Variants in WNT3 observed in about 807,000 individuals in gnomAD.
The protein encoded by WNT3 is Wnt family member 3.
WNT3 carries 7 observed loss-of-function variants against 34.2 expected under a neutral mutation model. The observed-to-expected ratio is 0.20, with a 90% confidence interval of 0.12 to 0.38. The LOEUF is 0.38. Ranked by LOEUF, WNT3 falls within the 10% of genes least tolerant of loss-of-function variation. The probability of loss-of-function intolerance (pLI) is 1.00; values close to 1 mark genes in which losing one functional copy is unlikely to be tolerated. For missense variants in WNT3, 267 were observed against 499.8 expected, an observed-to-expected ratio of 0.53 and a Z score of 4.44; for synonymous variants, 212 against 211.5, an observed-to-expected ratio of 1.00 and a Z score of -0.02.
In WNT3 at chr17:46,768,389, G is replaced by A. The variant is rs769897151; in HGVS notation, c.999C>T (p.Ile333=). The A allele has an allele frequency of 1.2e-6, 2 of 1,613,950 alleles. No homozygotes were observed. Among genetic ancestry groups the A allele is most frequent in the South Asian group, 2.2e-5 (2 of 91,092 alleles). Residue 333 remains isoleucine, a synonymous_variant, in exon 4 of 5, where the codon ATC becomes ATT. Transcript: ENST00000225512. The surrounding 1 kb of genome is among the most constrained non-coding windows in gnomAD (Gnocchi z 5.0). The stretch of plus-strand genomic sequence containing the variant: ...AGCTGACGTAGCAGCACCAGTGGAA[G>A]ATGCAGTGGCATTTTTCCTTCCGCT... The part of the protein sequence containing the change: ...TEKRKEKCHC[I]FHWCCYVSCQ...
At chr17:46,773,623 T>TACCCC in intron 2 of WNT3, 45 bp downstream of exon 2, 1 of 383,492 alleles carries the variant, frequency 2.6e-6, no homozygotes, top group South Asian at 1.9e-5. Context: ...TCCTGATCCC[T>TACCCC]CCCCCCACCC....
intron 2 of WNT3, among the ~76,000 whole-genome samples, chr17:46,772,524 C>A (rs922400023): frequency 6.6e-6 from 1 of 152,174 alleles, no homozygotes; most frequent in African/African-American, 2.4e-5. Context: ...CCGACAAGAA[C>A]GAGTTTGAAA....
At chr17:46,816,111 G>GTA (rs958552567) in intron 1 of WNT3, among the ~76,000 whole-genome samples, 2 of 35,176 alleles carry the variant, frequency 5.7e-5, no homozygotes, top group African/African-American at 2.1e-4. Context: ...GCGCGCGCAC[G>GTA]TACACACACA....
intron 1 of WNT3, among the ~76,000 whole-genome samples, chr17:46,791,077 T>C (rs1054398554): frequency 1.1e-4 from 16 of 152,254 alleles, no homozygotes; most frequent in South Asian, 1.0e-3. Flanking sequence ...GGAAGTTCTG[T>C]CTGCAAAGGT....
intron 2 of WNT3, among the ~76,000 whole-genome samples, chr17:46,773,249 A>G (rs1166884523): frequency 1.3e-5 from 2 of 152,252 alleles, no homozygotes; most frequent in East Asian, 3.9e-4. Context: ...ACGCAATGCT[A>G]CCACAGCACC....
At chr17:46,809,863 G>T (rs145631380) in intron 1 of WNT3, among the ~76,000 whole-genome samples, 2 of 152,182 alleles carry the variant, frequency 1.3e-5, no homozygotes, top group Non-Finnish European at 2.9e-5. Flanking sequence ...AGGAGCTGAG[G>T]ACTCCCCTGT....
chr17:46,811,297 G>A (rs2084271672), intron 1 of WNT3, among the ~76,000 whole-genome samples: 1 of 152,148 alleles, frequency 6.6e-6, no homozygotes, highest in Admixed American at 6.6e-5. Flanking sequence ...TATGGGAAAT[G>A]CTGATGTCAA....
At chr17:46,787,554 C>T (rs1321292651) in intron 1 of WNT3, among the ~76,000 whole-genome samples, 2 of 152,218 alleles carry the variant, frequency 1.3e-5, no homozygotes, top group East Asian at 1.9e-4. Context: ...CCAGCCAGAG[C>T]TTGTCTCTCT....
chr17:46,779,053 T>TCACTCACACACA (rs1555683627), intron 1 of WNT3, among the ~76,000 whole-genome samples: 5 of 100,668 alleles, frequency 5.0e-5, no homozygotes, highest in South Asian at 4.0e-4. Flanking sequence ...CCCTACCCCA[T>TCACTCACACACA]CACACACACA....
chr17:46,817,640 C>G lies in WNT3; in HGVS notation c.80+878G>C, dbSNP rs184067259. ...GCCCCCCAGACACGCACAGCCCCCC[C>G]CAAGCACTGCTCCCGGCTTCCCAGT... On this transcript the variant is annotated intron_variant, in intron 1 of 4. Transcript: ENST00000225512. Among the ~76,000 whole-genome samples, 756 of 145,794 alleles carry G rather than the reference C, an allele frequency of 5.2e-3. 6 individuals are homozygous for G. The highest frequency in any genetic ancestry group is 0.028 in the Middle Eastern group (8 of 290).
chr17:46,814,306 C>T (rs1295211648), intron 1 of WNT3, among the ~76,000 whole-genome samples: 1 of 152,242 alleles, frequency 6.6e-6, no homozygotes, highest in African/African-American at 2.4e-5. Context: ...CATAACTCAG[C>T]TCAGGCTCTT....
chr17:46,767,123 C>T (rs753720100), intron 4 of WNT3, among the ~76,000 whole-genome samples: 5 of 152,100 alleles, frequency 3.3e-5, no homozygotes, highest in Non-Finnish European at 7.4e-5. Flanking sequence ...CCTTCCACCC[C>T]GGGGGTCCAG....
chr17:46,769,542 G>A (rs539269140), intron 3 of WNT3, among the ~76,000 whole-genome samples: 3 of 152,258 alleles, frequency 2.0e-5, no homozygotes, highest in African/African-American at 7.2e-5. Context: ...ATCCCACGGG[G>A]TGGCCATGCT....
intron 2 of WNT3, among the ~76,000 whole-genome samples, chr17:46,770,593 A>T (rs1164959977): frequency 6.6e-6 from 1 of 152,012 alleles, no homozygotes; most frequent in Non-Finnish European, 1.5e-5. Context: ...CCTTTTTGTA[A>T]AATGGACACG....
chr17:46,782,665 C>T (rs961858371), intron 1 of WNT3, among the ~76,000 whole-genome samples: 3 of 152,224 alleles, frequency 2.0e-5, no homozygotes, highest in Non-Finnish European at 2.9e-5. Context: ...CACCGTGGGG[C>T]TGGGCCTGGT....
chr17:46,813,793 T>C (rs1442923835), intron 1 of WNT3, among the ~76,000 whole-genome samples: 1 of 152,228 alleles, frequency 6.6e-6, no homozygotes, highest in African/African-American at 2.4e-5. Flanking sequence ...ATTCTACATC[T>C]GCCCAAGTAC....
chr17:46,767,954 AATTTTT>A (rs986104615), intron 4 of WNT3, among the ~76,000 whole-genome samples: 3 of 152,096 alleles, frequency 2.0e-5, no homozygotes, highest in Non-Finnish European at 2.9e-5. Flanking sequence ...ACGCCCGGCT[AATTTTT>A]GTAGTTTTAG....
intron 3 of WNT3, 121 bp downstream of exon 3, chr17:46,769,662 G>A: frequency 7.3e-7 from 1 of 1,375,146 alleles, no homozygotes; most frequent in South Asian, 1.2e-5. Context: ...GCCTGGCCAA[G>A]GGGAAAAGGA....
chr17:46,782,976 G>A (rs1380903569), intron 1 of WNT3, among the ~76,000 whole-genome samples: 2 of 152,204 alleles, frequency 1.3e-5, no homozygotes, highest in Admixed American at 6.5e-5. Flanking sequence ...CTGTGGCTGT[G>A]GGAGAGCGCC....
Sources: gnomAD v4.1 joint callset for allele counts (sites outside exome capture counted in the v4.1 genomes callset) on GRCh38, gnomAD v4.1.1 for gene constraint, Gnocchi (gnomAD v3.1) non-coding constraint, MANE v1.5 for transcripts, NCBI Gene and HGNC (gene_info 2026-07-23, HGNC 2026-07-21) for gene names.